Variants in ELMO1 observed in about 807,000 individuals in gnomAD.
ELMO1 encodes engulfment and cell motility protein 1.
A neutral mutation model predicts 98.9 loss-of-function variants in ELMO1; 26 were observed. That is an observed-to-expected ratio of 0.26 (90% confidence interval 0.19 to 0.36). ELMO1 has a LOEUF of 0.36. Among genes scored for constraint, ELMO1 ranks in the 10% least tolerant of loss-of-function variants. The pLI, the probability that ELMO1 is intolerant of heterozygous loss-of-function variation, is 1.00. For synonymous variants in ELMO1, 346 were observed against 346.0 expected (o/e 1.00, Z 0.00); for missense variants, 627 against 935.2 (o/e 0.67, Z 4.30).
At chr7:37,017,344 T>C (rs1267690907) in intron 15 of ELMO1, among the ~76,000 whole-genome samples, 1 of 152,088 alleles carries the variant, frequency 6.6e-6, no homozygotes, top group African/African-American at 2.4e-5. Context: ...ATTGAATGAG[T>C]GTATTTGATT....
intron 4 of ELMO1, among the ~76,000 whole-genome samples, chr7:37,292,534 G>C (rs1366919116): frequency 4.3e-5 from 4 of 93,738 alleles, no homozygotes; most frequent in Admixed American, 3.1e-4. Flanking sequence ...ATCACATCTG[G>C]GAAGTGAGGA....
At chr7:37,081,977 G>A (rs1190796528) in intron 15 of ELMO1, among the ~76,000 whole-genome samples, 4 of 152,270 alleles carry the variant, frequency 2.6e-5, no homozygotes, top group Middle Eastern at 3.4e-3. Flanking sequence ...GGATTCTTAC[G>A]GACTCTGGTA....
At chr7:37,167,411 T>A (rs542394800) in intron 13 of ELMO1, among the ~76,000 whole-genome samples, 1 of 152,170 alleles carries the variant, frequency 6.6e-6, no homozygotes, top group Admixed American at 6.5e-5. Context: ...TGCTCGTTAG[T>A]TGATGCAGTT....
intron 16 of ELMO1, among the ~76,000 whole-genome samples, chr7:36,972,407 G>A (rs1358189647): frequency 6.6e-6 from 1 of 152,194 alleles, no homozygotes; most frequent in Non-Finnish European, 1.5e-5. Flanking sequence ...AGTTTGCTAG[G>A]ACTGCCATGA....
intron 14 of ELMO1, among the ~76,000 whole-genome samples, chr7:37,120,647 C>T (rs532741729): frequency 1.4e-4 from 21 of 152,318 alleles, no homozygotes; most frequent in African/African-American, 4.6e-4. Flanking sequence ...CTGGGTGGAG[C>T]CCACCTCAGC....
intron 16 of ELMO1, among the ~76,000 whole-genome samples, chr7:36,921,908 G>A (rs149949009): frequency 5.3e-5 from 8 of 152,290 alleles, no homozygotes; most frequent in East Asian, 1.9e-4. Flanking sequence ...GTAAGACCCC[G>A]CTGCGTATGC....
At chr7:37,242,082 C>A (rs940197539) in intron 7 of ELMO1, among the ~76,000 whole-genome samples, 2 of 152,118 alleles carry the variant, frequency 1.3e-5, no homozygotes, top group African/African-American at 4.8e-5. Context: ...CTTCCCCATT[C>A]TTTTTCCTCT....
At chr7:37,232,617 G>A (rs190482271) in intron 8 of ELMO1, among the ~76,000 whole-genome samples, 15 of 152,300 alleles carry the variant, frequency 9.8e-5, no homozygotes, top group Admixed American at 2.6e-4. Context: ...CTGATTACAA[G>A]TAAGCAGGCT....
intron 1 of ELMO1, among the ~76,000 whole-genome samples, chr7:37,373,583 T>C (rs189600091): frequency 6.6e-6 from 1 of 151,522 alleles, no homozygotes; most frequent in Non-Finnish European, 1.5e-5. Flanking sequence ...CACTCCAGCC[T>C]GGATGATAGA....
chr7:37,375,425 T>C, intron 1 of ELMO1: 1 of 618,912 alleles, frequency 1.6e-6, no homozygotes, highest in Non-Finnish European at 2.9e-6. Context: ...GCCTTGTTTA[T>C]GCCCAGGAAT....
At chr7:36,965,562 C>T (rs967468091) in intron 16 of ELMO1, among the ~76,000 whole-genome samples, 1 of 152,128 alleles carries the variant, frequency 6.6e-6, no homozygotes, top group African/African-American at 2.4e-5. Context: ...TAGGGTTCTA[C>T]TCTGTTTATA....
intron 16 of ELMO1, among the ~76,000 whole-genome samples, chr7:36,967,114 T>C (rs1789504489): frequency 6.6e-6 from 1 of 152,256 alleles, no homozygotes; most frequent in Admixed American, 6.5e-5. Context: ...GTCTCTATTC[T>C]TTTTAGAAAT....
intron 16 of ELMO1, among the ~76,000 whole-genome samples, chr7:36,912,108 T>C (rs867119196): frequency 1.6e-4 from 24 of 152,220 alleles, no homozygotes; most frequent in African/African-American, 5.8e-4. Context: ...TTCAGACATA[T>C]AGTAATCTTC....
intron 7 of ELMO1, among the ~76,000 whole-genome samples, chr7:37,236,465 T>C (rs1562541928): frequency 1.3e-5 from 2 of 152,184 alleles, no homozygotes; most frequent in South Asian, 2.1e-4. Flanking sequence ...AGAGGAAGGA[T>C]AGCTCTCTTG....
rs147003634 is a variant in ELMO1, at chr7:37,305,445, A to AGTGTGTGT, written c.192+9397_192+9404dup. ...GGTCAATATCCAGCACAGTACAGAT[A>AGTGTGTGT]GTGTGTGTGTGTGTGTGTGTGTGTA... is the stretch of plus-strand genomic sequence containing the variant. On this transcript the variant is annotated intron_variant, in intron 4 of 21. Transcript: ENST00000310758. Among the ~76,000 whole-genome samples the AGTGTGTGT allele has an allele frequency of 1.9e-3, 236 of 122,910 alleles. 1 individual carries two copies. The highest frequency in any genetic ancestry group is 4.3e-3 in the African/African-American group (160 of 36,850). 80.6% of individuals were successfully genotyped at this position (122,910 alleles called of 152,430 possible).
intron 4 of ELMO1, among the ~76,000 whole-genome samples, chr7:37,279,652 G>A (rs1001928774): frequency 6.6e-6 from 1 of 152,218 alleles, no homozygotes; most frequent in Non-Finnish European, 1.5e-5. Context: ...GAGAAATACA[G>A]GGTAGAGGAA....
chr7:37,378,958 T>G (rs900643080), intron 1 of ELMO1, among the ~76,000 whole-genome samples: 3 of 152,146 alleles, frequency 2.0e-5, no homozygotes, highest in Non-Finnish European at 4.4e-5. Context: ...GTAAAATATC[T>G]TATTACTTCC....
chr7:37,091,125 G>A (rs1227202863), intron 15 of ELMO1, among the ~76,000 whole-genome samples: 1 of 152,044 alleles, frequency 6.6e-6, no homozygotes, highest in Non-Finnish European at 1.5e-5. Context: ...TTAGTTTTTT[G>A]AGGCAGAGTT....
At chr7:36,907,436 G>A (rs1784043239) in intron 16 of ELMO1, among the ~76,000 whole-genome samples, 2 of 152,276 alleles carry the variant, frequency 1.3e-5, no homozygotes, top group South Asian at 2.1e-4. Context: ...TATGTTTAAA[G>A]GGGAACCTGT....
Sources: gnomAD v4.1 joint callset for allele counts (sites outside exome capture counted in the v4.1 genomes callset) on GRCh38, gnomAD v4.1.1 for gene constraint, MANE v1.5 for transcripts, NCBI Gene and HGNC (gene_info 2026-07-23, HGNC 2026-07-21) for gene names.